Variants in ALS2 observed in about 807,000 individuals in gnomAD.
The protein encoded by ALS2 is alsin Rho guanine nucleotide exchange factor ALS2, also known as alsin.
ALS2 carries 117 observed loss-of-function variants against 203.4 expected under a neutral mutation model. That is an observed-to-expected ratio of 0.58 (90% CI 0.50 to 0.67). The LOEUF (loss-of-function observed/expected upper bound fraction) is 0.67. ALS2 is among the 30% of genes least tolerant of loss of function. ALS2 has a pLI of 0.00. For synonymous variants in ALS2, 718 were observed against 725.9 expected (o/e 0.99, Z 0.17); for missense variants, 1,715 against 1,989.4 (o/e 0.86, Z 2.62).
rs2105998031 is a variant in ALS2 at position 201,723,046 on chromosome 2, T to C, written c.3699A>G (p.Gly1233=). 1.2e-6 allele frequency: 2 copies of C among 1,607,484 alleles called. No homozygotes were observed. The highest frequency in any genetic ancestry group is 1.7e-6 in the Non-Finnish European group (2 of 1,176,256). ...AAAAAGAAAGCTAGTTTCCAACCTT[T>C]CCACTAAGAGTCCAGTCATCTGAAA... ...GEFSDDWTLS[G]KGTLTMPNGD... Residue 1233 remains glycine (G), a synonymous_variant, in exon 23 of 34, where the codon GGA becomes GGG. Coordinates refer to ENST00000264276, the MANE Select transcript of ALS2 (RefSeq NM_020919.4).
At chr2:201,711,155 CAAGATACGTGTA>C (rs749815399) in intron 25 of ALS2, 47 bp from the exon 26 acceptor site, 1 of 1,173,764 alleles carries the variant, frequency 8.5e-7, no homozygotes, top group Admixed American at 1.7e-5. Context: ...ATCAAGAAAG[CAAGATACGTGTA>C]AATACTCACA....
intron 14 of ALS2, 29 bp from the exon 15 acceptor site, chr2:201,728,669 T>C: frequency 1.2e-6 from 2 of 1,604,564 alleles, no homozygotes; most frequent in Non-Finnish European, 1.7e-6. Context: ...ATAATACAAG[T>C]CAAACAATCA....
At chr2:201,733,062 T>C (rs1414044629) in intron 13 of ALS2, among the ~76,000 whole-genome samples, 1 of 152,268 alleles carries the variant, frequency 6.6e-6, no homozygotes, top group African/African-American at 2.4e-5. Flanking sequence ...TTATTCATCT[T>C]GATAAGGCCC....
chr2:201,745,816 G>C (rs1012850891), intron 9 of ALS2, among the ~76,000 whole-genome samples: 2 of 152,170 alleles, frequency 1.3e-5, no homozygotes, highest in East Asian at 3.9e-4. Flanking sequence ...GGGCGTGGTG[G>C]TGGGCACCTG....
chr2:201,768,692 C>G (rs1008877607), intron 2 of ALS2, among the ~76,000 whole-genome samples, 174 bp downstream of exon 2: 1 of 152,130 alleles, frequency 6.6e-6, no homozygotes, highest in African/African-American at 2.4e-5. Flanking sequence ...ACAAAGCTTA[C>G]AACTAACAAG....
In ALS2 at chr2:201,774,747, T is replaced by A. The variant is rs1694580032; in HGVS notation, c.-60-5802A>T. On this transcript the variant is annotated intron_variant, in intron 1 of 33. Transcript: ENST00000264276. Reference sequence around the variant, plus strand: ...ATTTCAACCACTAAAACCACATGTATTTTTTTTCATCTACTATGTTCCAGG... The same window carrying A: ...ATTTCAACCACTAAAACCACATGTAATTTTTTTCATCTACTATGTTCCAGG... Among the ~76,000 whole-genome samples, 4 of 151,990 alleles carry A rather than the reference T, an allele frequency of 2.6e-5. No homozygotes were observed. In the South Asian group the frequency reaches 8.3e-4, roughly 32 times the overall value.
intron 23 of ALS2, among the ~76,000 whole-genome samples, chr2:201,721,150 T>C (rs191957920): frequency 6.6e-6 from 1 of 152,296 alleles, no homozygotes; most frequent in East Asian, 1.9e-4. Context: ...CTGGAAAATA[T>C]TGCCAAGAGA....
At chr2:201,741,468 T>G in intron 11 of ALS2, 1 of 564,922 alleles carries the variant, frequency 1.8e-6, no homozygotes, top group Non-Finnish European at 3.1e-6. Flanking sequence ...AACATGATAA[T>G]TCATTATTTT....
At chr2:201,749,858 T>C in intron 7 of ALS2, 69 bp from the exon 8 acceptor site, 1 of 1,187,134 alleles carries the variant, frequency 8.4e-7, no homozygotes, top group Non-Finnish European at 1.3e-6. Context: ...TCTGAACCTT[T>C]ATAATAATTA....
chr2:201,752,087 T>C (rs1217888506), intron 7 of ALS2, among the ~76,000 whole-genome samples: 2 of 152,188 alleles, frequency 1.3e-5, no homozygotes, highest in African/African-American at 4.8e-5. Context: ...TGGGATTATT[T>C]TATCAAATTG....
intron 3 of ALS2, among the ~76,000 whole-genome samples, chr2:201,762,557 A>G (rs2106091729): frequency 6.6e-6 from 1 of 152,298 alleles, no homozygotes; most frequent in East Asian, 1.9e-4. Context: ...TCCAATGAGC[A>G]TTTCCTTTGA....
chr2:201,709,844 TC>T lies in ALS2; in HGVS notation c.4280+36del, dbSNP rs1689928470. Reference sequence around the variant, plus strand: ...CCCAAGCACTGGTATAAAATAGTATTCCATAGCCCGCAGACTTTAGTGAAAA... The same window carrying T: ...CCCAAGCACTGGTATAAAATAGTATTCATAGCCCGCAGACTTTAGTGAAAA... On this transcript the variant is annotated intron_variant, in intron 27 of 33. Coordinates refer to ENST00000264276, the MANE Select transcript of ALS2 (RefSeq NM_020919.4). The T allele has an allele frequency of 1.9e-6, 3 of 1,613,044 alleles. No individual in the cohort carries two copies. In the Admixed American group the frequency reaches 5.0e-5, roughly 27 times the overall value.
intron 25 of ALS2, 54 bp downstream of exon 25, chr2:201,715,618 T>C (rs1438380352): frequency 6.2e-7 from 1 of 1,603,452 alleles, no homozygotes; most frequent in African/African-American, 1.3e-5. Flanking sequence ...TTACTGGTCT[T>C]AAGTTTCATC....
rs372936145 is a variant in ALS2, at chr2:201,723,089, G to T, written c.3656C>A (p.Thr1219Asn). 2.9e-5 allele frequency: 47 copies of T among 1,613,500 alleles called. No homozygotes were observed. The African/African-American group carries it at 5.2e-4, about 18-fold the overall frequency. Residue 1219 changes from threonine (T) to asparagine (N), a missense_variant, in exon 23 of 34, where the codon ACT (threonine) becomes AAT (asparagine). By Grantham distance (65) the Thr-to-Asn change is moderately conservative (BLOSUM62 0). This residue lies in a region of ALS2 where 1,227 missense variants were observed against 1,413.5 expected (regional missense o/e 0.87). Transcript: ENST00000264276. ...ATCTGAAAATTCTCCTTCATAGATAGTATCATCTTCGGAAAGCAAAACCCC... is the reference window on the plus strand; with the variant it reads ...ATCTGAAAATTCTCCTTCATAGATATTATCATCTTCGGAAAGCAAAACCCC... ...GNGVLLSEDDTIYEGEFSDDW... is the reference protein window; with the variant it reads ...GNGVLLSEDDNIYEGEFSDDW...
Position 201,726,729 on chromosome 2 carries a change from G to C in ALS2, c.3117C>G (p.Tyr1039Ter). The change falls in exon 18 of 34, where the codon TAC (tyrosine) becomes TAG (stop). Residue 1039 changes from tyrosine (Y) to a stop codon, truncating the protein, a stop_gained. Transcript: ENST00000264276. LOFTEE classifies it high-confidence loss of function. ...TGGCATCCTTTAGGCGAGGATCCTTGTAGAAAGTATATTTGGCACTGCGTG... is the reference window on the plus strand; with the variant it reads ...TGGCATCCTTTAGGCGAGGATCCTTCTAGAAAGTATATTTGGCACTGCGTG... ...PISRSAKYTF[Y>*]KDPRLKDATY... 1 of 1,614,176 alleles carries C rather than the reference G, an allele frequency of 6.2e-7. No homozygotes were observed. The highest frequency in any genetic ancestry group is 8.5e-7 in the Non-Finnish European group (1 of 1,180,030).
chr2:201,713,069 A>G (rs528190264), intron 25 of ALS2, among the ~76,000 whole-genome samples: 25 of 150,742 alleles, frequency 1.7e-4, no homozygotes, highest in Middle Eastern at 3.4e-3. Context: ...ACTAAACTTG[A>G]TAAGTTTTCA....
intron 1 of ALS2, among the ~76,000 whole-genome samples, chr2:201,773,787 T>C (rs538638104): frequency 1.6e-4 from 24 of 152,076 alleles, no homozygotes; most frequent in Non-Finnish European, 2.8e-4. Context: ...CGCCTGGAAG[T>C]TGGATAGGAT....
chr2:201,768,316 C>G lies in ALS2; in HGVS notation c.20+550G>C, dbSNP rs1313243189. Among the ~76,000 whole-genome samples, 3 of 152,184 alleles carry G rather than the reference C, an allele frequency of 2.0e-5. No homozygotes were observed. The East Asian group carries it at 5.8e-4, about 29-fold the overall frequency. Reference sequence around the variant, plus strand: ...CACAGTAATGACCATATCCTAACTGCCTTCTTCTAAGAAAAGGGCACATTA... The same window carrying G: ...CACAGTAATGACCATATCCTAACTGGCTTCTTCTAAGAAAAGGGCACATTA... On this transcript the variant is annotated intron_variant, in intron 2 of 33. Coordinates refer to ENST00000264276, the MANE Select transcript of ALS2 (RefSeq NM_020919.4).
At position 201,727,795 on chromosome 2, in the gene ALS2, G is replaced by A. The variant is rs189282198; in HGVS notation, c.2842-20C>T. 5.0e-4 allele frequency: 773 copies of A among 1,551,170 alleles called. 5 individuals are homozygous for A. The Admixed American group carries it at 0.014, about 29-fold the overall frequency. On this transcript the variant is annotated intron_variant, in intron 15 of 33. Transcript: ENST00000264276. ...GGAGAACTGAAACAGAGAACACGGA[G>A]GCACTTTTATGAAAGCCCATGTAGA... is the stretch of plus-strand genomic sequence containing the variant.
Sources: allele counts gnomAD v4.1 joint callset (sites outside exome capture counted in the v4.1 genomes callset), GRCh38; gene constraint gnomAD v4.1.1; regional missense constraint gnomAD v4.1.1; transcripts MANE v1.5; gene names NCBI Gene and HGNC (gene_info 2026-07-23, HGNC 2026-07-21).